The following VPS13A variants were observed in gnomAD, a reference collection of about 807,000 sequenced individuals.
VPS13A encodes the protein intermembrane lipid transfer protein VPS13A.
Under a neutral mutation model 390.9 loss-of-function variants are expected in VPS13A, and 264 were observed. The ratio of observed to expected loss-of-function variants is 0.68; its 90% CI spans 0.61 to 0.75. The LOEUF (loss-of-function observed/expected upper bound fraction) is 0.75. Among genes scored for constraint, VPS13A ranks in the 30% least tolerant of loss-of-function variants. VPS13A has a pLI of 0.00. For synonymous variants in VPS13A, 1,231 were observed against 1,227.1 expected (o/e 1.00, Z -0.07); for missense variants, 3,409 against 3,733.9 (o/e 0.91, Z 2.27).
At chr9:77,381,767 CAAAG>C (rs367807045) in intron 67 of VPS13A, among the ~76,000 whole-genome samples, 126 of 152,102 alleles carry the variant, frequency 8.3e-4, no homozygotes, top group Non-Finnish European at 1.5e-3. Context: ...ATTATTATCA[CAAAG>C]AAAGTTCTAG....
rs144201608 is a variant in VPS13A, at chr9:77,320,736, T to C, written c.5416-433T>C. 1.2e-3 allele frequency among the ~76,000 whole-genome samples: 190 copies of C among 152,250 alleles called. No individual in the cohort carries two copies. The Middle Eastern group carries it at 0.014, about 11-fold the overall frequency. ...AAATGGTAAAGGGTATTGATTCTTA[T>C]GAGCTCTAGGTTTATAACACTGTTC... On this transcript the variant is annotated intron_variant, in intron 42 of 71. Transcript: ENST00000360280.
At chr9:77,360,042 TCTC>T (rs1351670209) in intron 58 of VPS13A, among the ~76,000 whole-genome samples, 2 of 152,180 alleles carry the variant, frequency 1.3e-5, no homozygotes, top group African/African-American at 4.8e-5. Flanking sequence ...TATGTAATAA[TCTC>T]CTGTCTAATT....
intron 20 of VPS13A, among the ~76,000 whole-genome samples, chr9:77,248,460 T>C (rs910606518): frequency 1.3e-5 from 2 of 151,414 alleles, no homozygotes; most frequent in Admixed American, 1.3e-4. Flanking sequence ...CCTAGTGATC[T>C]GCCCACCTCG....
Position 77,340,507 on chromosome 9 carries a change from C to G in VPS13A, c.6983C>G (p.Ala2328Gly). ...AAAAGCAAATACCATATATCAGTGG[C>G]TGAAGAAGGAAATGATAAATGGCTC... ...KNKSKYHISV[A>G]EEGNDKWLSL... is the part of the protein sequence containing the mutation. Residue 2328 changes from alanine to glycine, a missense_variant, in exon 50 of 72, where the codon GCT becomes GGT. This residue lies in a region of VPS13A where 2,717 missense variants were observed against 2,917.4 expected (regional missense o/e 0.93). Coordinates refer to ENST00000360280, the MANE Select transcript of VPS13A (RefSeq NM_033305.3). The G allele has an allele frequency of 6.2e-7, 1 of 1,613,088 alleles. No individual in the cohort carries two copies. The highest frequency in any genetic ancestry group is 8.5e-7 in the Non-Finnish European group (1 of 1,179,694).
intron 1 of VPS13A, among the ~76,000 whole-genome samples, chr9:77,181,039 G>A (rs936134360): frequency 1.3e-5 from 2 of 152,198 alleles, no homozygotes; most frequent in Non-Finnish European, 2.9e-5. Context: ...AACAGACAGC[G>A]AGACTCTGTC....
At chr9:77,408,104 A>G (rs552916559) in intron 71 of VPS13A, among the ~76,000 whole-genome samples, 1 of 152,378 alleles carries the variant, frequency 6.6e-6, no homozygotes, top group African/African-American at 2.4e-5. Context: ...CAGAAGGTCA[A>G]CTAAGCACAG....
intron 31 of VPS13A, among the ~76,000 whole-genome samples, chr9:77,291,845 C>T (rs1027332371): frequency 2.6e-5 from 4 of 152,182 alleles, no homozygotes; most frequent in African/African-American, 9.7e-5. Context: ...GGCCATCCTG[C>T]CCCTCCTCCT....
At chr9:77,359,623 A>C (rs1334265172) in intron 58 of VPS13A, among the ~76,000 whole-genome samples, 1 of 151,956 alleles carries the variant, frequency 6.6e-6, no homozygotes. Context: ...TTCGAGACCA[A>C]CCTGGCCAAC....
At chr9:77,412,834 G>C (rs1219665227) in intron 71 of VPS13A, among the ~76,000 whole-genome samples, 3 of 152,174 alleles carry the variant, frequency 2.0e-5, no homozygotes, top group Non-Finnish European at 1.5e-5. Flanking sequence ...TGACATGATT[G>C]TATATCTAGA....
At position 77,293,482 on chromosome 9, in the gene VPS13A, G is replaced by C. The variant is rs760341291; in HGVS notation, c.3481G>C (p.Val1161Leu). ...LIVGCIEVVF[V>L]TKFLYSILAF... ...AGTTGGTTGCATTGAAGTAGTTTTTGTCACGAAATTTCTATATTCTATATT... is the reference window on the plus strand; with the variant it reads ...AGTTGGTTGCATTGAAGTAGTTTTTCTCACGAAATTTCTATATTCTATATT... The change falls in exon 32 of 72, where the codon GTC becomes CTC. Residue 1161 changes from valine (V) to leucine (L), a missense_variant. Transcript: ENST00000360280. 4.4e-6 allele frequency: 7 copies of C among 1,591,200 alleles called. No individual in the cohort carries two copies. The Admixed American group carries it at 1.2e-4, about 28-fold the overall frequency.
chr9:77,240,339 G>A (rs1338812234), intron 19 of VPS13A, among the ~76,000 whole-genome samples: 2 of 150,096 alleles, frequency 1.3e-5, no homozygotes, highest in African/African-American at 2.4e-5. Flanking sequence ...TATCCTCCTC[G>A]ACCTCCCAAA....
chr9:77,402,561 G>A (rs1420866967), intron 68 of VPS13A, among the ~76,000 whole-genome samples: 1 of 151,724 alleles, frequency 6.6e-6, no homozygotes, highest in East Asian at 1.9e-4. Flanking sequence ...CATCCTCAGA[G>A]CAAATATTAC....
In VPS13A at chr9:77,351,406, G is replaced by A; in HGVS notation, c.7379G>A (p.Trp2460Ter). 1 of 1,613,912 alleles carries A rather than the reference G, an allele frequency of 6.2e-7. No individual in the cohort carries two copies. Among genetic ancestry groups the A allele is most frequent in the Non-Finnish European group, 8.5e-7 (1 of 1,179,876 alleles). The change falls in exon 53 of 72, where the codon TGG becomes TAG. Residue 2460 changes from tryptophan to a stop codon, truncating the protein, a stop_gained. Transcript: ENST00000360280. LOFTEE classifies it high-confidence loss of function. ...ADPVGSRRLK[W>*]RCRKSHGEVT... Reference sequence around the variant, plus strand: ...CCGGTGGGCTCTAGAAGGCTGAAGTGGAGATGTAGAAAAAGCCATGGTGAA... The same window carrying A: ...CCGGTGGGCTCTAGAAGGCTGAAGTAGAGATGTAGAAAAAGCCATGGTGAA...
intron 71 of VPS13A, among the ~76,000 whole-genome samples, chr9:77,411,660 C>CAAAAACAAAA (rs1834930696): frequency 2.4e-4 from 8 of 33,920 alleles, no homozygotes; most frequent in African/African-American, 9.6e-4. Context: ...AACTCCATCT[C>CAAAAACAAAA]AAAAAAAAAA....
chr9:77,342,548 CTCTT>C (rs1830892837), intron 50 of VPS13A, among the ~76,000 whole-genome samples: 1 of 152,106 alleles, frequency 6.6e-6, no homozygotes, highest in South Asian at 2.1e-4. Context: ...GTGACACATT[CTCTT>C]TCTGATGGTC....
At chr9:77,384,421 G>A (rs1327816746) in intron 68 of VPS13A, among the ~76,000 whole-genome samples, 1 of 151,852 alleles carries the variant, frequency 6.6e-6, no homozygotes, top group Non-Finnish European at 1.5e-5. Context: ...GGTCTATTAA[G>A]TTATGGAATA....
chr9:77,414,934 C>A (rs1287001615), intron 71 of VPS13A, among the ~76,000 whole-genome samples: 1 of 152,048 alleles, frequency 6.6e-6, no homozygotes, highest in Non-Finnish European at 1.5e-5. Flanking sequence ...AAACTAGGGG[C>A]CTCTCCCACT....
chr9:77,381,972 C>G lies in VPS13A; in HGVS notation c.9078-4C>G, dbSNP rs1374654873. ...AAAATAAAGTTATATTTTTTTTCCT[C>G]TAGAGCTACAGAGACTTCTGAAGTG... On this transcript the variant is annotated splice_region_variant and splice_polypyrimidine_tract_variant and intron_variant, in intron 67 of 71. Transcript: ENST00000360280. The G allele has an allele frequency of 2.5e-6, 4 of 1,588,366 alleles. No homozygotes were observed. In the East Asian group the frequency reaches 9.0e-5, roughly 36 times the overall value.
At chr9:77,410,417 A>C (rs531808171) in intron 71 of VPS13A, among the ~76,000 whole-genome samples, 11 of 152,048 alleles carry the variant, frequency 7.2e-5, no homozygotes, top group Non-Finnish European at 1.0e-4. Context: ...CTAACATCAT[A>C]ATGACAGGAT....
Sources: allele counts gnomAD v4.1 joint callset (sites outside exome capture counted in the v4.1 genomes callset), GRCh38; gene constraint gnomAD v4.1.1; regional missense constraint gnomAD v4.1.1; transcripts MANE v1.5; gene names NCBI Gene and HGNC (gene_info 2026-07-23, HGNC 2026-07-21).